TASP1: variants seen among roughly 807,000 people sequenced by gnomAD.
TASP1 encodes the protein taspase 1, also known as threonine aspartase 1.
Under a neutral mutation model 56.6 loss-of-function variants are expected in TASP1, and 16 were observed. The ratio of observed to expected loss-of-function variants is 0.28; its 90% confidence interval spans 0.19 to 0.43. The LOEUF is 0.43. Among genes scored for constraint, TASP1 ranks in the 20% least tolerant of loss-of-function variants. The pLI is 1.00. For synonymous variants in TASP1, 179 were observed against 184.2 expected, an observed-to-expected ratio of 0.97 and a Z score of 0.23; for missense variants, 393 against 511.6, an observed-to-expected ratio of 0.77 and a Z score of 2.24.
At chr20:13,160,006 T>C in the TASP1 span, 1 of 1,605,410 alleles carries the variant, frequency 6.2e-7, no homozygotes, top group Non-Finnish European at 8.5e-7. Context: ...CCTTAAGGGC[T>C]TTTGCAAGGC....
chr20:13,387,067 G>A (rs915923664), downstream of TASP1, among the ~76,000 whole-genome samples: 29 of 151,674 alleles, frequency 1.9e-4, no homozygotes, highest in African/African-American at 7.0e-4. Flanking sequence ...CCTTCTTTGT[G>A]TCCGTGTGAA....
chr20:13,600,751 G>T (rs1407612470), intron 4 of TASP1: 1 of 151,864 alleles, frequency 6.6e-6, no homozygotes, highest in Non-Finnish European at 1.5e-5. Flanking sequence ...ATTAAAAAAA[G>T]CAAGCCATTA....
chr20:13,500,658 C>T (rs1423745785), intron 10 of TASP1, among the ~76,000 whole-genome samples: 1 of 151,534 alleles, frequency 6.6e-6, no homozygotes, highest in Non-Finnish European at 1.5e-5. Context: ...TTAGAGCAAG[C>T]AAAAGACAGC....
the TASP1 span, among the ~76,000 whole-genome samples, chr20:13,261,437 A>G: frequency 6.6e-6 from 1 of 152,096 alleles, no homozygotes; most frequent in Non-Finnish European, 1.5e-5. Flanking sequence ...AAAAAAAAAA[A>G]AAGAAAAAAG....
intron 11 of TASP1, among the ~76,000 whole-genome samples, chr20:13,470,584 T>C (rs953403810): frequency 7.2e-5 from 11 of 152,180 alleles, no homozygotes; most frequent in African/African-American, 2.7e-4. Flanking sequence ...TTTTGCAACT[T>C]TGTGACCCTC....
chr20:13,539,716 TA>T (rs1378227633), intron 8 of TASP1, among the ~76,000 whole-genome samples: 2 of 152,140 alleles, frequency 1.3e-5, no homozygotes, highest in Non-Finnish European at 2.9e-5. Flanking sequence ...ATTCATACCA[TA>T]AAAAAGATTA....
intron 6 of TASP1, 124 bp downstream of exon 6, chr20:13,580,773 A>T: frequency 1.1e-6 from 1 of 886,450 alleles, no homozygotes; most frequent in South Asian, 1.6e-5. Context: ...ATGTTCCAAG[A>T]TCACGGAACA....
At chr20:13,312,586 C>T in the TASP1 span, among the ~76,000 whole-genome samples, 3 of 152,140 alleles carry the variant, frequency 2.0e-5, no homozygotes, top group African/African-American at 7.2e-5. Context: ...CCTAATGAGT[C>T]GCAGCCTGCT....
At chr20:13,587,401 ATTAGTCTT>A in intron 4 of TASP1, 31 bp from the exon 5 acceptor site, 1 of 1,556,762 alleles carries the variant, frequency 6.4e-7, no homozygotes, top group Admixed American at 1.9e-5. Context: ...TTAAAATATC[ATTAGTCTT>A]AAAAAAAGTA....
At chr20:13,215,151 G>A in the TASP1 span, among the ~76,000 whole-genome samples, 1 of 152,166 alleles carries the variant, frequency 6.6e-6, no homozygotes, top group Admixed American at 6.5e-5. Context: ...CGTTGGTCTT[G>A]GAAGTTAGGA....
the TASP1 span, among the ~76,000 whole-genome samples, chr20:13,216,971 T>C: frequency 6.6e-6 from 1 of 152,188 alleles, no homozygotes; most frequent in South Asian, 2.1e-4. Context: ...AAATGAAGTG[T>C]ACTAGAATGC....
At chr20:13,291,711 C>G in the TASP1 span, among the ~76,000 whole-genome samples, 1 of 152,178 alleles carries the variant, frequency 6.6e-6, no homozygotes, top group Non-Finnish European at 1.5e-5. Flanking sequence ...TGAAGCATCA[C>G]CAACAATGCT....
the TASP1 span, among the ~76,000 whole-genome samples, chr20:13,186,160 A>C: frequency 6.6e-6 from 1 of 152,212 alleles, no homozygotes; most frequent in African/African-American, 2.4e-5. Context: ...CCAGATTTTC[A>C]TAAGGCTTAC....
chr20:13,459,312 C>A (rs985599444), intron 11 of TASP1, among the ~76,000 whole-genome samples: 2 of 152,150 alleles, frequency 1.3e-5, no homozygotes, highest in Non-Finnish European at 2.9e-5. Context: ...CTGCACAGTG[C>A]ATACCTTCTG....
At chr20:13,524,824 T>G (rs1281530956) in intron 10 of TASP1, among the ~76,000 whole-genome samples, 2 of 152,214 alleles carry the variant, frequency 1.3e-5, no homozygotes, top group African/African-American at 4.8e-5. Flanking sequence ...GGTTCGCATG[T>G]GTTGACCCTT....
intron 4 of TASP1, among the ~76,000 whole-genome samples, chr20:13,598,930 C>T (rs1472135712): frequency 1.3e-5 from 2 of 152,144 alleles, no homozygotes; most frequent in Non-Finnish European, 2.9e-5. Context: ...TGAAAAAATG[C>T]TCATCATCAC....
chr20:13,385,300 T>C (rs2041156213), downstream of TASP1, among the ~76,000 whole-genome samples: 1 of 152,250 alleles, frequency 6.6e-6, no homozygotes, highest in South Asian at 2.1e-4. Flanking sequence ...CTTGATGAAC[T>C]GTTGCTCTTC....
chr20:13,421,956 T>TTTTTTTTTTA (rs2042451099), intron 12 of TASP1, among the ~76,000 whole-genome samples: 2 of 140,776 alleles, frequency 1.4e-5, no homozygotes, highest in African/African-American at 6.0e-5. Flanking sequence ...GTTTAACCTT[T>TTTTTTTTTTA]TTTTTTTTTT....
the TASP1 span, among the ~76,000 whole-genome samples, chr20:13,273,240 A>ATTTTATTTTATTTTATTT: frequency 2.2e-3 from 332 of 149,782 alleles, 2 homozygotes; most frequent in Non-Finnish European, 4.0e-3. Flanking sequence ...ATTTTATTTT[A>ATTTTATTTTATTTTATTT]TTTTATTTTA....
Sources: allele counts gnomAD v4.1 joint callset (sites outside exome capture counted in the v4.1 genomes callset), GRCh38; gene constraint gnomAD v4.1.1; transcripts MANE v1.5; gene names NCBI Gene and HGNC (gene_info 2026-07-23, HGNC 2026-07-21).